The following UGT8 variants were observed in gnomAD, a reference collection of about 807,000 sequenced individuals.
UGT8 encodes the protein UDP glycosyltransferase 8.
A neutral mutation model predicts 40.5 loss-of-function variants in UGT8; 12 were observed. The observed-to-expected ratio is 0.30, with a 90% CI of 0.19 to 0.48. The LOEUF is 0.48. Ranked by LOEUF, UGT8 falls within the 20% of genes least tolerant of loss-of-function variation. UGT8 has a pLI of 0.99. For synonymous variants in UGT8, 224 were observed against 240.4 expected (o/e 0.93, Z 0.63); for missense variants, 513 against 648.7 (o/e 0.79, Z 2.27).
intron 2 of UGT8, among the ~76,000 whole-genome samples, chr4:114,652,144 A>G (rs78187144): frequency 2.6e-5 from 4 of 152,108 alleles, no homozygotes; most frequent in East Asian, 1.9e-4. Context: ...TGACATTTCA[A>G]CTGACCTGGA....
At chr4:114,611,403 CATATATAT>C (rs60533468) in intron 1 of UGT8, among the ~76,000 whole-genome samples, 1,953 of 105,904 alleles carry the variant, frequency 0.018, 17 homozygotes, top group African/African-American at 0.037. Context: ...CATATATATC[CATATATAT>C]ATATATATAT....
chr4:114,620,844 C>T (rs1374542194), intron 1 of UGT8, among the ~76,000 whole-genome samples: 2 of 151,908 alleles, frequency 1.3e-5, no homozygotes, highest in Admixed American at 6.6e-5. Flanking sequence ...GTTAAAACTG[C>T]GTTTAGATGT....
In UGT8 at chr4:114,644,083, A is replaced by G. The variant is rs149408153; in HGVS notation, c.823-19912A>G. Among the ~76,000 whole-genome samples the G allele has an allele frequency of 3.1e-3, 477 of 152,274 alleles. 3 individuals are homozygous for G. The highest frequency in any genetic ancestry group is 0.011 in the African/African-American group (446 of 41,556). ...AAAACAGTGACTGAATAATCTGCAAATAACACAGCACTTGTTATGCCATTT... is the reference window on the plus strand; with the variant it reads ...AAAACAGTGACTGAATAATCTGCAAGTAACACAGCACTTGTTATGCCATTT... On this transcript the variant is annotated intron_variant, in intron 2 of 5. Coordinates refer to ENST00000310836, the MANE Select transcript of UGT8 (RefSeq NM_001128174.3).
At chr4:114,600,164 C>T (rs1730358067) in intron 1 of UGT8, among the ~76,000 whole-genome samples, 1 of 152,076 alleles carries the variant, frequency 6.6e-6, no homozygotes, top group Non-Finnish European at 1.5e-5. Flanking sequence ...GGTATCAAAC[C>T]AGGCGTGCTC....
At chr4:114,626,903 A>G (rs1000302931) in intron 2 of UGT8, among the ~76,000 whole-genome samples, 1 of 152,246 alleles carries the variant, frequency 6.6e-6, no homozygotes, top group Non-Finnish European at 1.5e-5. Flanking sequence ...ACTCTTATTT[A>G]TGCTTTAGAG....
At chr4:114,637,521 G>A (rs1168506618) in intron 2 of UGT8, among the ~76,000 whole-genome samples, 7 of 152,148 alleles carry the variant, frequency 4.6e-5, no homozygotes, top group African/African-American at 1.7e-4. Flanking sequence ...AAGATCTAGA[G>A]TTTTGGTGTC....
chr4:114,661,040 TTTCC>T (rs1480001763), intron 2 of UGT8, among the ~76,000 whole-genome samples: 1 of 152,182 alleles, frequency 6.6e-6, no homozygotes, highest in African/African-American at 2.4e-5. Flanking sequence ...TTTATTCAGA[TTTCC>T]TTCCTTCTTT....
At chr4:114,626,310 T>C (rs1732217076) in intron 2 of UGT8, among the ~76,000 whole-genome samples, 2 of 152,318 alleles carry the variant, frequency 1.3e-5, no homozygotes, top group South Asian at 4.1e-4. Context: ...AGGGCATTGT[T>C]GTGACAGTAA....
intron 4 of UGT8, among the ~76,000 whole-genome samples, chr4:114,667,512 C>T (rs1403906346): frequency 6.6e-6 from 1 of 152,078 alleles, no homozygotes; most frequent in Non-Finnish European, 1.5e-5. Flanking sequence ...TAAATGTTTA[C>T]CTCTACATGT....
intron 2 of UGT8, among the ~76,000 whole-genome samples, chr4:114,661,023 G>A (rs1303753302): frequency 6.6e-6 from 1 of 150,768 alleles, no homozygotes; most frequent in Admixed American, 6.6e-5. Context: ...ATGTTCCATT[G>A]TCCCCATTTA....
intron 5 of UGT8, among the ~76,000 whole-genome samples, chr4:114,670,446 A>AT (rs1308356096): frequency 6.6e-6 from 1 of 150,686 alleles, no homozygotes; most frequent in Non-Finnish European, 1.5e-5. Flanking sequence ...AAAAAAAAAA[A>AT]AAAAAAAAAG....
chr4:114,607,675 A>T (rs1730815143), intron 1 of UGT8, among the ~76,000 whole-genome samples: 1 of 152,146 alleles, frequency 6.6e-6, no homozygotes, highest in South Asian at 2.1e-4. Context: ...CCTAACTCAG[A>T]TCTGACATCC....
chr4:114,661,048 C>T (rs1193575142), intron 2 of UGT8, among the ~76,000 whole-genome samples: 1 of 151,942 alleles, frequency 6.6e-6, no homozygotes, highest in Non-Finnish European at 1.5e-5. Flanking sequence ...GATTTCCTTC[C>T]TTCTTTGTCC....
chr4:114,661,284 T>G (rs374410535), intron 2 of UGT8, among the ~76,000 whole-genome samples: 1 of 152,270 alleles, frequency 6.6e-6, no homozygotes, highest in African/African-American at 2.4e-5. Flanking sequence ...TGTGTGTGTG[T>G]GCGTGTGTGT....
At chr4:114,652,395 T>A (rs1429642533) in intron 2 of UGT8, among the ~76,000 whole-genome samples, 1 of 149,984 alleles carries the variant, frequency 6.7e-6, no homozygotes, top group African/African-American at 2.5e-5. Flanking sequence ...TTCTCATGGG[T>A]ATTTTTTTTT....
At chr4:114,666,687 C>T (rs1458800536) in intron 4 of UGT8, among the ~76,000 whole-genome samples, 1 of 152,090 alleles carries the variant, frequency 6.6e-6, no homozygotes, top group African/African-American at 2.4e-5. Context: ...GTATGAACAT[C>T]TAAACTTTTA....
Position 114,623,601 on chromosome 4 carries a change from A to G in UGT8, c.721A>G (p.Met241Val), listed in dbSNP as rs181812605. The change falls in exon 2 of 6, where the codon ATG becomes GTG. Residue 241 changes from methionine (M) to valine (V), a missense_variant. Coordinates refer to ENST00000310836, the MANE Select transcript of UGT8 (RefSeq NM_001128174.3). ...TTTGGTTCATGGGTCCAGCCTGTGG[A>G]TGCTGTGTACTGACGTAGCACTGGA... The part of the protein sequence containing the change: ...YDLVHGSSLW[M>V]LCTDVALEFP... The G allele has an allele frequency of 5.2e-5, 84 of 1,614,110 alleles. 1 individual carries two copies. In the Admixed American group the frequency reaches 8.0e-4, roughly 15 times the overall value.
intron 1 of UGT8, among the ~76,000 whole-genome samples, chr4:114,602,516 T>A (rs1054735078): frequency 1.3e-5 from 2 of 152,226 alleles, no homozygotes; most frequent in African/African-American, 4.8e-5. Flanking sequence ...TCTGAAGCAT[T>A]TCACAAACAT....
At chr4:114,653,173 A>G (rs1017977846) in intron 2 of UGT8, among the ~76,000 whole-genome samples, 3 of 152,110 alleles carry the variant, frequency 2.0e-5, no homozygotes, top group African/African-American at 4.8e-5. Context: ...TCTAGTCTAT[A>G]TAATCACTTA....
Sources: allele counts gnomAD v4.1 joint callset (sites outside exome capture counted in the v4.1 genomes callset), GRCh38; gene constraint gnomAD v4.1.1; transcripts MANE v1.5; gene names NCBI Gene and HGNC (gene_info 2026-07-23, HGNC 2026-07-21).